Variants in MSH3 observed in about 807,000 individuals in gnomAD.
MSH3 encodes the protein DNA mismatch repair protein Msh3.
Under a neutral mutation model 123.3 loss-of-function variants are expected in MSH3, and 106 were observed. That is an observed-to-expected ratio of 0.86 (90% confidence interval 0.73 to 1.01). The LOEUF is 1.01. Ranked by LOEUF, MSH3 falls within the 50% of genes least tolerant of loss-of-function variation. The probability of loss-of-function intolerance (pLI) is 0.00; values close to 1 mark genes in which losing one functional copy is unlikely to be tolerated. For missense variants in MSH3, 1,459 were observed against 1,347.6 expected (o/e 1.08, Z -1.29); for synonymous variants, 515 against 481.4 (o/e 1.07, Z -0.91).
At position 80,670,201 on chromosome 5, in the gene MSH3, C is replaced by T. The variant is rs1433014320; in HGVS notation, c.684C>T (p.Ile228=). 1.2e-6 allele frequency: 2 copies of T among 1,614,140 alleles called. No individual in the cohort carries two copies. Among genetic ancestry groups the T allele is most frequent in the Non-Finnish European group, 1.7e-6 (2 of 1,180,014 alleles). Residue 228 remains isoleucine (I), a synonymous_variant, in exon 4 of 24, where the codon ATC becomes ATT. Coordinates refer to ENST00000265081, the MANE Select transcript of MSH3 (RefSeq NM_002439.5). The stretch of plus-strand genomic sequence containing the variant: ...CAGCTAACAAACGGTCCAAAAGCAT[C>T]TATACGCCGCTAGAATTACAATACA... The part of the protein sequence containing the change: ...SKSANKRSKS[I]YTPLELQYIE...
At chr5:80,806,240 T>A (rs949780993) in intron 19 of MSH3, among the ~76,000 whole-genome samples, 4 of 152,072 alleles carry the variant, frequency 2.6e-5, no homozygotes, top group Non-Finnish European at 5.9e-5. Flanking sequence ...CTGGGATTAC[T>A]GGCATGTGCC....
chr5:80,679,645 A>G (rs1749924909), intron 8 of MSH3, among the ~76,000 whole-genome samples: 1 of 152,230 alleles, frequency 6.6e-6, no homozygotes, highest in Non-Finnish European at 1.5e-5. Context: ...AGATCAGACC[A>G]CTTACGTATG....
intron 17 of MSH3, among the ~76,000 whole-genome samples, chr5:80,783,002 T>G (rs1744436878): frequency 6.6e-6 from 1 of 152,246 alleles, no homozygotes; most frequent in East Asian, 1.9e-4. Flanking sequence ...GAAGATGGAC[T>G]GTGTATATTC....
Position 80,734,074 on chromosome 5 carries a change from T to C in MSH3, c.1568+5109T>C, listed in dbSNP as rs556889723. 2.0e-5 allele frequency among the ~76,000 whole-genome samples: 3 copies of C among 152,356 alleles called. No homozygotes were observed. The South Asian group carries it at 6.2e-4, about 32-fold the overall frequency. On this transcript the variant is annotated intron_variant, in intron 10 of 23. Transcript: ENST00000265081. ...TAATGTCCATCAACTGAAGAATGGATACCTAAAATGTGTTATATGCATACA... is the reference window on the plus strand; with the variant it reads ...TAATGTCCATCAACTGAAGAATGGACACCTAAAATGTGTTATATGCATACA...
chr5:80,769,788 C>T (rs930090797), intron 15 of MSH3, among the ~76,000 whole-genome samples: 4 of 151,878 alleles, frequency 2.6e-5, no homozygotes, highest in Non-Finnish European at 5.9e-5. Context: ...AGATATTTTT[C>T]CGGTGGGGAA....
intron 12 of MSH3, among the ~76,000 whole-genome samples, chr5:80,753,473 T>A (rs760006022): frequency 6.6e-6 from 1 of 152,102 alleles, no homozygotes; most frequent in Non-Finnish European, 1.5e-5. Context: ...CCATGAACAA[T>A]TGAGGAATGT....
intron 20 of MSH3, among the ~76,000 whole-genome samples, chr5:80,839,951 A>G (rs1037135079): frequency 6.6e-6 from 1 of 152,148 alleles, no homozygotes; most frequent in Non-Finnish European, 1.5e-5. Flanking sequence ...CTGGTAGTTA[A>G]CATTATATTC....
At chr5:80,761,784 A>G in intron 13 of MSH3, 106 bp downstream of exon 13, 1 of 1,249,318 alleles carries the variant, frequency 8.0e-7, no homozygotes, top group Non-Finnish European at 1.1e-6. Context: ...TATTTTGTAA[A>G]ATCTTACAAA....
At chr5:80,869,276 C>T (rs1320617648) in intron 22 of MSH3, among the ~76,000 whole-genome samples, 1 of 152,168 alleles carries the variant, frequency 6.6e-6, no homozygotes, top group African/African-American at 2.4e-5. Context: ...TAAGCAGAAA[C>T]ATGAATTATT....
intron 8 of MSH3, among the ~76,000 whole-genome samples, chr5:80,717,297 G>T (rs1404723130): frequency 6.6e-6 from 1 of 152,054 alleles, no homozygotes; most frequent in Non-Finnish European, 1.5e-5. Context: ...AGGGTGTCTT[G>T]CCCTGTCACC....
chr5:80,655,118 GGCTACAAATT>G, intron 1 of MSH3, 154 bp downstream of exon 1: 3 of 525,250 alleles, frequency 5.7e-6, no homozygotes, highest in Non-Finnish European at 9.8e-6. Context: ...GCCCAGCCGG[GGCTACAAATT>G]GGGTGAAGCG....
chr5:80,872,359 C>T (rs189681837), intron 22 of MSH3, among the ~76,000 whole-genome samples: 25 of 152,000 alleles, frequency 1.6e-4, no homozygotes, highest in Admixed American at 1.0e-3. Flanking sequence ...TTCAGCTACT[C>T]GGGAGGCTGA....
intron 10 of MSH3, 78 bp from the exon 11 acceptor site, chr5:80,741,386 A>G: frequency 1.1e-6 from 1 of 937,258 alleles, no homozygotes; most frequent in South Asian, 1.3e-5. Context: ...TGTAGCTGGC[A>G]TGTTTCTAGT....
At chr5:80,656,276 C>A in intron 1 of MSH3, 135 bp from the exon 2 acceptor site, 1 of 1,196,176 alleles carries the variant, frequency 8.4e-7, no homozygotes, top group Non-Finnish European at 1.2e-6. Flanking sequence ...TTTTCCAGAG[C>A]TAAAAGTAGA....
chr5:80,757,057 C>G (rs1004451206), intron 12 of MSH3, among the ~76,000 whole-genome samples: 1 of 152,068 alleles, frequency 6.6e-6, no homozygotes, highest in Non-Finnish European at 1.5e-5. Context: ...TGTATTTCAG[C>G]TCCCCACCCC....
chr5:80,784,212 C>CAAAAAAAA lies in MSH3; in HGVS notation c.2436-3333_2436-3326dup, dbSNP rs1192783960. 1.0e-3 allele frequency among the ~76,000 whole-genome samples: 12 copies of CAAAAAAAA among 11,984 alleles called. 1 individual carries two copies. The highest frequency in any genetic ancestry group is 7.3e-3 in the East Asian group (4 of 550). 7.9% of individuals were successfully genotyped at this position (11,984 alleles called of 152,430 possible). On this transcript the variant is annotated intron_variant, in intron 17 of 23. Coordinates refer to ENST00000265081, the MANE Select transcript of MSH3 (RefSeq NM_002439.5). ...GCGAAAGAGCGAGACTACTACGTCG[C>CAAAAAAAA]AAAAAAAAAAAAAAAAAAAAAAAAA...
intron 8 of MSH3, among the ~76,000 whole-genome samples, chr5:80,713,793 A>C (rs1008970944): frequency 1.4e-5 from 1 of 69,560 alleles, no homozygotes; most frequent in Non-Finnish European, 2.9e-5. Context: ...GTCGCCTGCT[A>C]TTCTTAAGTC....
intron 12 of MSH3, among the ~76,000 whole-genome samples, chr5:80,759,928 A>G (rs1367258223): frequency 2.0e-5 from 3 of 152,190 alleles, no homozygotes; most frequent in African/African-American, 7.2e-5. Context: ...AGTATGAGCC[A>G]GAGAAAAATG....
chr5:80,713,289 G>A (rs905834490), intron 8 of MSH3, among the ~76,000 whole-genome samples: 5 of 152,162 alleles, frequency 3.3e-5, no homozygotes, highest in Non-Finnish European at 5.9e-5. Context: ...TTTAATGTGG[G>A]CTCAACACTT....
Sources: gnomAD v4.1 joint callset for allele counts (sites outside exome capture counted in the v4.1 genomes callset) on GRCh38, gnomAD v4.1.1 for gene constraint, MANE v1.5 for transcripts, NCBI Gene and HGNC (gene_info 2026-07-23, HGNC 2026-07-21) for gene names.